Variants in ALDH1L1 observed in about 807,000 individuals in gnomAD.
The protein encoded by ALDH1L1 is cytosolic 10-formyltetrahydrofolate dehydrogenase.
A neutral mutation model predicts 101.1 loss-of-function variants in ALDH1L1; 68 were observed. That is an observed-to-expected ratio of 0.67 (90% CI 0.55 to 0.82). The LOEUF is 0.82. Among genes scored for constraint, ALDH1L1 ranks in the 40% least tolerant of loss-of-function variants. The pLI, the probability that ALDH1L1 is intolerant of heterozygous loss-of-function variation, is 0.00. For missense variants in ALDH1L1, 1,087 were observed against 1,172.7 expected (o/e 0.93, Z 1.07); for synonymous variants, 486 against 470.8 (o/e 1.03, Z -0.42).
intron 19 of ALDH1L1, among the ~76,000 whole-genome samples, chr3:126,110,819 C>G (rs143065595): frequency 6.6e-6 from 1 of 152,324 alleles, no homozygotes; most frequent in African/African-American, 2.4e-5. Context: ...TCGCCCCAAA[C>G]CGCACCCCGA....
chr3:126,172,617 G>A (rs536235810), intron 1 of ALDH1L1, among the ~76,000 whole-genome samples: 2 of 152,188 alleles, frequency 1.3e-5, no homozygotes, highest in South Asian at 4.1e-4. Flanking sequence ...CTTGTAATAG[G>A]GATATCAGAT....
chr3:126,114,829 C>T (rs563803998), intron 17 of ALDH1L1, 173 bp from the exon 18 acceptor site: 37 of 657,822 alleles, frequency 5.6e-5, no homozygotes, highest in Admixed American at 1.5e-4. Context: ...CGGCCACCTG[C>T]CTTTCCTTTC....
intron 9 of ALDH1L1, among the ~76,000 whole-genome samples, chr3:126,145,876 G>A (rs1475665030): frequency 6.6e-6 from 1 of 152,154 alleles, no homozygotes; most frequent in Non-Finnish European, 1.5e-5. Flanking sequence ...ACTATTTACA[G>A]AAAAGCAGTT....
chr3:126,170,691 T>C (rs183996334), intron 1 of ALDH1L1, among the ~76,000 whole-genome samples: 8 of 152,324 alleles, frequency 5.3e-5, no homozygotes, highest in African/African-American at 1.9e-4. Context: ...TGTCCTTTTA[T>C]AACCATAGGG....
At chr3:126,154,424 C>T (rs940219992) in intron 6 of ALDH1L1, 130 bp downstream of exon 6, 16 of 907,616 alleles carry the variant, frequency 1.8e-5, no homozygotes, top group Non-Finnish European at 2.6e-5. Context: ...GTTTAGGGGG[C>T]ACCCAGTGGG....
At chr3:126,118,721 G>A (rs2080023629) in intron 16 of ALDH1L1, among the ~76,000 whole-genome samples, 1 of 152,098 alleles carries the variant, frequency 6.6e-6, no homozygotes, top group Admixed American at 6.5e-5. Flanking sequence ...GAGACCCAAG[G>A]ATGCCTGATC....
chr3:126,153,625 C>A, intron 6 of ALDH1L1, 44 bp from the exon 7 acceptor site: 1 of 1,585,222 alleles, frequency 6.3e-7, no homozygotes, highest in South Asian at 1.2e-5. Context: ...TGAGAAGAAG[C>A]CCCCGAAGCC....
chr3:126,172,442 T>G (rs1229876641), intron 1 of ALDH1L1, among the ~76,000 whole-genome samples: 4 of 152,110 alleles, frequency 2.6e-5, no homozygotes, highest in African/African-American at 9.7e-5. Flanking sequence ...AAAGAATGTC[T>G]TTAATAGGTT....
At chr3:126,112,399 C>T (rs1946107954) in intron 19 of ALDH1L1, among the ~76,000 whole-genome samples, 1 of 152,178 alleles carries the variant, frequency 6.6e-6, no homozygotes, top group African/African-American at 2.4e-5. Context: ...CCCAGGCTGA[C>T]CTGAGACCAG....
At chr3:126,127,714 C>T (rs2080218579) in intron 14 of ALDH1L1, among the ~76,000 whole-genome samples, 1 of 152,136 alleles carries the variant, frequency 6.6e-6, no homozygotes, top group South Asian at 2.1e-4. Context: ...GATGGGCAGC[C>T]CCTTACCCTG....
chr3:126,134,739 G>C (rs965324183), intron 12 of ALDH1L1, among the ~76,000 whole-genome samples: 7 of 152,238 alleles, frequency 4.6e-5, no homozygotes, highest in Non-Finnish European at 1.0e-4. Context: ...CCTGCCAGGT[G>C]AGGAGCTTCG....
intron 11 of ALDH1L1, among the ~76,000 whole-genome samples, chr3:126,135,902 G>A (rs2080430656): frequency 6.6e-6 from 1 of 152,180 alleles, no homozygotes; most frequent in African/African-American, 2.4e-5. Context: ...CCCTGTTCCT[G>A]CCCTGAGTGT....
rs2080887816 is a variant in ALDH1L1, at chr3:126,155,522, TTGC to T, written c.529-22_529-20del. ...CCTGCACCTGGGGAGATCCAGTGGGTTGCTATCCCCAGCAATAGGACCCTGCCT... is the reference window on the plus strand; with the variant it reads ...CCTGCACCTGGGGAGATCCAGTGGGTTATCCCCAGCAATAGGACCCTGCCT... On this transcript the variant is annotated intron_variant, in intron 4 of 22. Transcript: ENST00000393434. 3 of 1,601,592 alleles carry T rather than the reference TTGC, an allele frequency of 1.9e-6. No individual in the cohort carries two copies. The highest frequency in any genetic ancestry group is 1.7e-4 in the Middle Eastern group (1 of 5,912).
chr3:126,131,587 T>C (rs2080308538), intron 12 of ALDH1L1, 53 bp from the exon 13 acceptor site: 3 of 1,567,658 alleles, frequency 1.9e-6, no homozygotes, highest in Non-Finnish European at 2.6e-6. Context: ...CACGGCCTCA[T>C]CTGCCCTCAC....
At chr3:126,129,040 A>C (rs1033907629) in intron 14 of ALDH1L1, 1 of 151,338 alleles carries the variant, frequency 6.6e-6, no homozygotes, top group Non-Finnish European at 1.5e-5. Context: ...GGGGCGGGGC[A>C]GTTCTTTGTT....
chr3:126,138,084 T>C (rs987970731), intron 9 of ALDH1L1, 124 bp from the exon 10 acceptor site: 1 of 1,273,398 alleles, frequency 7.9e-7, no homozygotes, highest in Non-Finnish European at 1.1e-6. Context: ...GAGGTAGCCA[T>C]GAGCCCAGAA....
chr3:126,112,253 G>A (rs1946101428), intron 19 of ALDH1L1, among the ~76,000 whole-genome samples: 1 of 152,226 alleles, frequency 6.6e-6, no homozygotes, highest in African/African-American at 2.4e-5. Context: ...TGCAGAGCCT[G>A]ACGGGAGCTA....
chr3:126,172,970 T>C (rs2081309668), intron 1 of ALDH1L1, among the ~76,000 whole-genome samples: 1 of 152,240 alleles, frequency 6.6e-6, no homozygotes, highest in Non-Finnish European at 1.5e-5. Context: ...CTGAAAACAT[T>C]CCATCAACTT....
chr3:126,150,816 C>A, intron 7 of ALDH1L1: 2 of 300,820 alleles, frequency 6.6e-6, no homozygotes, highest in Non-Finnish European at 1.3e-5. Context: ...CCTTGGCCTC[C>A]CAAAGTGCTG....
Sources: gnomAD v4.1 joint callset for allele counts (sites outside exome capture counted in the v4.1 genomes callset) on GRCh38, gnomAD v4.1.1 for gene constraint, MANE v1.5 for transcripts, NCBI Gene and HGNC (gene_info 2026-07-23, HGNC 2026-07-21) for gene names.